The following ZNF83 variants were observed in gnomAD, a reference collection of about 807,000 sequenced individuals.
The protein encoded by ZNF83 is zinc finger protein 816B.
For synonymous variants in ZNF83, 209 were observed against 213.0 expected, an observed-to-expected ratio of 0.98 and a Z score of 0.17; for missense variants, 552 against 629.9, an observed-to-expected ratio of 0.88 and a Z score of 1.32.
intron 2 of ZNF83, 35 bp from the exon 3 acceptor site, chr19:52,614,832 A>G: frequency 4.0e-6 from 5 of 1,257,804 alleles, no homozygotes; most frequent in Non-Finnish European, 5.0e-6. Flanking sequence ...TTTCCAATTA[A>G]TTACAGATAG....
chr19:52,642,810 C>T (rs1337109497), upstream of ZNF83, among the ~76,000 whole-genome samples: 1 of 152,076 alleles, frequency 6.6e-6, no homozygotes, highest in Non-Finnish European at 1.5e-5. Context: ...TACTTGAGCT[C>T]AGGGGTTCAA....
At chr19:52,686,755 T>C (rs752960816) in intron 1 of ZNF83, among the ~76,000 whole-genome samples, 12 of 152,194 alleles carry the variant, frequency 7.9e-5, no homozygotes, top group Non-Finnish European at 1.0e-4. Context: ...GTATTTTTCA[T>C]AGAGACGGCG....
chr19:52,675,772 G>A (rs2061792592), intron 1 of ZNF83, among the ~76,000 whole-genome samples: 1 of 152,162 alleles, frequency 6.6e-6, no homozygotes, highest in Non-Finnish European at 1.5e-5. Context: ...CATGTCTGTG[G>A]GAATATAATT....
In ZNF83 at chr19:52,627,195, C is replaced by T. The variant is rs189460398; in HGVS notation, c.-234+7871G>A. Among the ~76,000 whole-genome samples the T allele has an allele frequency of 3.1e-3, 433 of 141,264 alleles. 5 individuals are homozygous for T. The highest frequency in any genetic ancestry group is 0.011 in the African/African-American group (421 of 38,446). 92.7% of individuals were successfully genotyped at this position (141,264 alleles called of 152,430 possible). On this transcript the variant is annotated intron_variant, in intron 2 of 2. Transcript: ENST00000301096. ...ACCCCAGGCCTATAAAACTGCCCCA[C>T]CCCATCTCCTTTTGCTGACTTCTTT...
rs144954536 is a variant in ZNF83, at chr19:52,685,712, C to T, written c.-283+4731G>A. ...AGGAGCTCGAGACCAGCCTGGCAAA[C>T]ATGGTGAAACCTTGTCTCTACTAAA... is the stretch of plus-strand genomic sequence containing the variant. On this transcript the variant is annotated intron_variant, in intron 1 of 5. Coordinates refer to the ZNF83 transcript ENST00000594682. Among the ~76,000 whole-genome samples, 365 of 152,096 alleles carry T rather than the reference C, an allele frequency of 2.4e-3. 4 individuals carry two copies. Among genetic ancestry groups the T allele is most frequent in the African/African-American group, 8.4e-3 (350 of 41,496 alleles).
chr19:52,661,804 A>C (rs4801925), intron 1 of ZNF83, among the ~76,000 whole-genome samples: 50,243 of 151,986 alleles, frequency 0.33, 8,804 homozygotes, highest in East Asian at 0.56. Context: ...GTGGGGCTGC[A>C]ATGTCAAATG....
intron 3 of ZNF83, chr19:52,653,340 C>T (rs1199619065): frequency 8.0e-7 from 1 of 1,245,348 alleles, no homozygotes; most frequent in Admixed American, 1.8e-5. Context: ...TATGAACTCT[C>T]TGATGTTGTG....
intron 2 of ZNF83, among the ~76,000 whole-genome samples, chr19:52,623,748 G>T (rs1034474269): frequency 6.6e-6 from 1 of 151,844 alleles, no homozygotes; most frequent in Non-Finnish European, 1.5e-5. Flanking sequence ...GGCTTTAAGG[G>T]GATTAAAGCC....
chr19:52,661,410 C>T (rs2061578403), intron 1 of ZNF83, among the ~76,000 whole-genome samples: 1 of 152,112 alleles, frequency 6.6e-6, no homozygotes, highest in African/African-American at 2.4e-5. Flanking sequence ...TGGCCCTAAC[C>T]AAACCCCATG....
At chr19:52,660,375 C>T in intron 2 of ZNF83, among the ~76,000 whole-genome samples, 1 of 151,780 alleles carries the variant, frequency 6.6e-6, no homozygotes, top group East Asian at 1.9e-4. Flanking sequence ...TTCTTAGCAA[C>T]AGTGAAAAAC....
At chr19:52,685,791 A>G (rs533961816) in intron 1 of ZNF83, among the ~76,000 whole-genome samples, 1 of 151,874 alleles carries the variant, frequency 6.6e-6, no homozygotes, top group African/African-American at 2.4e-5. Flanking sequence ...CCAGCTACTC[A>G]GGAGGCTGAA....
At chr19:52,667,455 T>C (rs562627846) in intron 1 of ZNF83, among the ~76,000 whole-genome samples, 62 of 152,326 alleles carry the variant, frequency 4.1e-4, no homozygotes, top group African/African-American at 1.5e-3. Context: ...TTAGTCCTCC[T>C]GATTGTAAAA....
intron 3 of ZNF83, chr19:52,652,889 A>C (rs2061460731): frequency 9.3e-7 from 1 of 1,073,364 alleles, no homozygotes; most frequent in African/African-American, 1.6e-5. Context: ...CACTCATTGC[A>C]CTTGTAAGGT....
chr19:52,634,338 T>C (rs2061074029), intron 2 of ZNF83, among the ~76,000 whole-genome samples: 1 of 152,146 alleles, frequency 6.6e-6, no homozygotes, highest in African/African-American at 2.4e-5. Flanking sequence ...TCCTCTAGGA[T>C]ACAAAAGTGC....
At chr19:52,683,522 A>AGG (rs199947809) in intron 1 of ZNF83, among the ~76,000 whole-genome samples, 1 of 84,224 alleles carries the variant, frequency 1.2e-5, no homozygotes, top group Non-Finnish European at 2.3e-5. Flanking sequence ...AAGGGAATCC[A>AGG]AAGGGAAGGG....
At chr19:52,655,149 T>C (rs900565599) in intron 3 of ZNF83, 2 of 174,064 alleles carry the variant, frequency 1.1e-5, no homozygotes, top group African/African-American at 4.8e-5. Context: ...ATCACAACAG[T>C]GCACTCCAGC....
intron 2 of ZNF83, among the ~76,000 whole-genome samples, chr19:52,629,962 C>A (rs1239837030): frequency 6.6e-6 from 1 of 152,140 alleles, no homozygotes; most frequent in Admixed American, 6.5e-5. Context: ...ACCCCAGCCA[C>A]ATCTCCAGCA....
chr19:52,657,424 A>G (rs1368951150), intron 2 of ZNF83, among the ~76,000 whole-genome samples: 1 of 152,070 alleles, frequency 6.6e-6, no homozygotes. Flanking sequence ...AGCCTCATCA[A>G]TATGGTGAAA....
intron 2 of ZNF83, among the ~76,000 whole-genome samples, chr19:52,657,757 G>A (rs991382555): frequency 1.3e-5 from 2 of 151,850 alleles, no homozygotes; most frequent in Admixed American, 1.3e-4. Context: ...TGAGGCAGGA[G>A]AATCGCTTGA....
Sources: gnomAD v4.1 joint callset for allele counts (sites outside exome capture counted in the v4.1 genomes callset) on GRCh38, gnomAD v4.1.1 for gene constraint, MANE v1.5 for transcripts, NCBI Gene and HGNC (gene_info 2026-07-23, HGNC 2026-07-21) for gene names.